The following ZNF730 variants were observed in gnomAD, a reference collection of about 807,000 sequenced individuals.
The protein encoded by ZNF730 is putative zinc finger protein 730.
ZNF730 carries 12 observed loss-of-function variants against 12.6 expected under a neutral mutation model. That is an observed-to-expected ratio of 0.95 (90% CI 0.61 to 1.54). The LOEUF (loss-of-function observed/expected upper bound fraction) is 1.54. ZNF730 is among the 40% of genes most tolerant of loss of function. ZNF730 has a pLI of 0.00. For synonymous variants in ZNF730, 194 were observed against 195.8 expected (o/e 0.99, Z 0.08); for missense variants, 643 against 583.5 (o/e 1.10, Z -1.05).
chr19:23,098,366 TC>T (rs1010051604), intron 1 of ZNF730: 2 of 152,192 alleles, frequency 1.3e-5, no homozygotes, highest in African/African-American at 4.8e-5. Context: ...TCTTCCCAGA[TC>T]CTGCCAAAAG....
At chr19:23,075,521 G>C (rs1166975021) in intron 1 of ZNF730, 1 of 152,378 alleles carries the variant, frequency 6.6e-6, no homozygotes, top group East Asian at 1.9e-4. Context: ...AGGCGTCTCT[G>C]GCCGCAAGAT....
At chr19:23,097,168 A>G (rs1292869023) in intron 1 of ZNF730, among the ~76,000 whole-genome samples, 1 of 152,150 alleles carries the variant, frequency 6.6e-6, no homozygotes, top group Non-Finnish European at 1.5e-5. Context: ...GTATTGTCAC[A>G]TATCACTGGG....
At chr19:23,110,579 C>T (rs950228468) in intron 1 of ZNF730, among the ~76,000 whole-genome samples, 3 of 152,336 alleles carry the variant, frequency 2.0e-5, no homozygotes, top group Non-Finnish European at 4.4e-5. Context: ...CCGTGTCTGG[C>T]CTCTTTATAA....
At chr19:23,114,595 G>A (rs575182876), upstream of ZNF730, among the ~76,000 whole-genome samples, 9 of 151,782 alleles carry the variant, frequency 5.9e-5, no homozygotes, top group South Asian at 4.1e-4. Flanking sequence ...TTCATGATCC[G>A]CCCGCCTCGG....
At chr19:23,105,894 A>G (rs1970387205) in intron 1 of ZNF730, among the ~76,000 whole-genome samples, 1 of 152,242 alleles carries the variant, frequency 6.6e-6, no homozygotes, top group African/African-American at 2.4e-5. Flanking sequence ...ACGCCACAGT[A>G]TGCATGAGTC....
At chr19:23,130,810 T>C (rs1365534536) in intron 1 of ZNF730, among the ~76,000 whole-genome samples, 10 of 152,092 alleles carry the variant, frequency 6.6e-5, no homozygotes, top group East Asian at 5.8e-4. Context: ...AATATCCCCA[T>C]TGGCATACAG....
chr19:23,087,569 T>C (rs1361996564), intron 1 of ZNF730, among the ~76,000 whole-genome samples: 1 of 152,076 alleles, frequency 6.6e-6, no homozygotes, highest in Non-Finnish European at 1.5e-5. Flanking sequence ...AATAGTTTGA[T>C]TTCCTCTTTT....
rs1419838021 is a variant in ZNF730, at chr19:23,129,005, CAGCTTCCATATTGTGTTG to C, written c.4-5071_4-5054del. ...AGAGGGTGGAAGCCCCAAGCCTTGGCAGCTTCCATATTGTGTTGAGCCTGTGGGTTCACGGAAGTCAAG... is the reference window on the plus strand; with the variant it reads ...AGAGGGTGGAAGCCCCAAGCCTTGGCAGCCTGTGGGTTCACGGAAGTCAAG... On this transcript the variant is annotated intron_variant, in intron 1 of 3. Transcript: ENST00000597761. Among the ~76,000 whole-genome samples the C allele has an allele frequency of 5.9e-5, 9 of 152,264 alleles. 1 individual carries two copies. Among genetic ancestry groups the C allele is most frequent in the Admixed American group, 5.9e-4 (9 of 15,292 alleles).
At chr19:23,082,606 C>T (rs1969983136) in intron 1 of ZNF730, among the ~76,000 whole-genome samples, 2 of 152,190 alleles carry the variant, frequency 1.3e-5, no homozygotes, top group African/African-American at 4.8e-5. Flanking sequence ...CTCAGCCTCC[C>T]AAAGTGTTGG....
intron 1 of ZNF730, among the ~76,000 whole-genome samples, chr19:23,097,214 G>T (rs1364364424): frequency 1.3e-5 from 2 of 151,922 alleles, no homozygotes; most frequent in Non-Finnish European, 2.9e-5. Flanking sequence ...TTACTCTTTG[G>T]CCTACTGTTT....
chr19:23,133,023 C>T (rs1170950838), intron 1 of ZNF730, among the ~76,000 whole-genome samples: 1 of 152,162 alleles, frequency 6.6e-6, no homozygotes, highest in Non-Finnish European at 1.5e-5. Context: ...TGCCTTAGTC[C>T]AGTTGATATT....
At chr19:23,115,174 ACT>A (rs1599586327), upstream of ZNF730, among the ~76,000 whole-genome samples, 1 of 151,446 alleles carries the variant, frequency 6.6e-6, no homozygotes, top group East Asian at 1.9e-4. Context: ...CAGAAGTGTC[ACT>A]CTCCAGAATT....
Position 23,100,630 on chromosome 19 carries a change from CTTTTTTTTTTTTTTTTTTTTTTT to C in ZNF730, c.-94+25264_-94+25286del, listed in dbSNP as rs201462781. 4.6e-4 allele frequency among the ~76,000 whole-genome samples: 55 copies of C among 118,564 alleles called. 1 individual carries two copies. Among genetic ancestry groups the C allele is most frequent in the African/African-American group, 2.0e-3 (52 of 25,460 alleles). The allele number at this position is 118,564 out of a possible 152,430, so 77.8% of individuals were successfully genotyped here. ...TCTAGCCACAATTTGGATGGTGATT[CTTTTTTTTTTTTTTTTTTTTTTT>C]TTTTTTTTTTTTTTTTTTTTGAGAC... is the stretch of plus-strand genomic sequence containing the variant. On this transcript the variant is annotated intron_variant, in intron 1 of 2. Transcript: ENST00000593635.
rs1320162715 is a variant in ZNF730 at position 23,096,249 on chromosome 19, G to C, written c.-94+20862G>C. Among the ~76,000 whole-genome samples, 3 of 152,202 alleles carry C rather than the reference G, an allele frequency of 2.0e-5. No individual in the cohort carries two copies. In the South Asian group the frequency reaches 6.2e-4, roughly 32 times the overall value. ...CTAGGTGATGTAACTCTACTGTACT[G>C]TTTGGTTTCTGCCTAAAAAGGGATT... On this transcript the variant is annotated intron_variant, in intron 1 of 2. Coordinates refer to the ZNF730 transcript ENST00000593635.
intron 3 of ZNF730, among the ~76,000 whole-genome samples, chr19:23,137,575 G>A (rs1381942633): frequency 6.6e-6 from 1 of 152,104 alleles, no homozygotes; most frequent in Non-Finnish European, 1.5e-5. Flanking sequence ...AATTTATTTT[G>A]ACTAATTTTT....
chr19:23,077,364 G>A (rs933120456), intron 1 of ZNF730, among the ~76,000 whole-genome samples: 3 of 150,050 alleles, frequency 2.0e-5, no homozygotes, highest in South Asian at 2.1e-4. Context: ...CCAATGTGCT[G>A]GGATTACAGG....
chr19:23,132,057 G>A (rs1030988627), intron 1 of ZNF730, among the ~76,000 whole-genome samples: 4 of 152,230 alleles, frequency 2.6e-5, no homozygotes, highest in Admixed American at 2.0e-4. Flanking sequence ...TGTGGCAGGG[G>A]AGGGCACCTG....
intron 2 of ZNF730, 99 bp downstream of exon 2, chr19:23,134,305 T>A: frequency 1.8e-6 from 2 of 1,120,704 alleles, no homozygotes; most frequent in Non-Finnish European, 2.5e-6. Context: ...TTTTTCTTTT[T>A]CTTTTTCTTT....
At chr19:23,128,003 C>T in intron 1 of ZNF730, 1 of 745,698 alleles carries the variant, frequency 1.3e-6, no homozygotes, top group Non-Finnish European at 2.5e-6. Context: ...AGATCTGTGA[C>T]CTATGGCATG....
Sources: gnomAD v4.1 joint callset for allele counts (sites outside exome capture counted in the v4.1 genomes callset) on GRCh38, gnomAD v4.1.1 for gene constraint, MANE v1.5 for transcripts, NCBI Gene and HGNC (gene_info 2026-07-23, HGNC 2026-07-21) for gene names.